EXO5: variants seen among roughly 807,000 people sequenced by gnomAD.
EXO5 encodes the protein exonuclease V.
In EXO5, 11 loss-of-function variants were observed where a neutral mutation model predicts 17.8. The observed-to-expected ratio is 0.62, with a 90% CI of 0.39 to 1.02. The LOEUF is 1.02. Ranked by LOEUF, EXO5 falls within the 50% of genes least tolerant of loss-of-function variation. The probability of loss-of-function intolerance (pLI) is 0.00; values close to 1 mark genes in which losing one functional copy is unlikely to be tolerated. For synonymous variants in EXO5, 147 were observed against 166.5 expected, an observed-to-expected ratio of 0.88 and a Z score of 0.90; for missense variants, 364 against 434.8, an observed-to-expected ratio of 0.84 and a Z score of 1.45.
chr1:40,515,440 C>T lies in EXO5; in HGVS notation c.896C>T (p.Thr299Ile). ...AAGATTGAGTATATCCACCAAGAGACTGCCACTGTGCTGGGTACTGAGATT... is the reference window on the plus strand; with the variant it reads ...AAGATTGAGTATATCCACCAAGAGATTGCCACTGTGCTGGGTACTGAGATT... ...ILKIEYIHQETATVLGTEIVA... is the reference protein window; with the variant it reads ...ILKIEYIHQEIATVLGTEIVA... The change falls in exon 4 of 4, where the codon ACT becomes ATT. Residue 299 changes from threonine to isoleucine, a missense_variant. Physicochemically the swap from Thr to Ile is moderately conservative, Grantham distance 89. Coordinates refer to ENST00000415550, the MANE Select transcript of EXO5 (RefSeq NM_001346953.2). The T allele has an allele frequency of 6.2e-7, 1 of 1,614,008 alleles. No homozygotes were observed. The highest frequency in any genetic ancestry group is 8.5e-7 in the Non-Finnish European group (1 of 1,180,008).
chr1:40,512,334 T>C (rs1645794650), intron 3 of EXO5, among the ~76,000 whole-genome samples: 1 of 152,228 alleles, frequency 6.6e-6, no homozygotes, highest in Non-Finnish European at 1.5e-5. Flanking sequence ...TTACTAATTT[T>C]GTCAGATGTG....
chr1:40,515,605 G>A lies in EXO5; in HGVS notation c.1061G>A (p.Trp354Ter). Reference protein sequence around the residue: ...RTCTYADICEWRKGSGVLSST... With the variant: ...RTCTYADICE ...TGTACCTATGCAGACATTTGTGAGTGGAGAAAGGGCAGTGGAGTGCTCAGC... is the reference window on the plus strand; with the variant it reads ...TGTACCTATGCAGACATTTGTGAGTAGAGAAAGGGCAGTGGAGTGCTCAGC... Residue 354 changes from tryptophan to a stop codon, truncating the protein, a stop_gained, in exon 4 of 4, where the codon TGG (tryptophan) becomes TAG (stop). Coordinates refer to ENST00000415550, the MANE Select transcript of EXO5 (RefSeq NM_001346953.2). LOFTEE classifies it high-confidence loss of function. 1.2e-6 allele frequency: 2 copies of A among 1,613,386 alleles called. No individual in the cohort carries two copies. The highest frequency in any genetic ancestry group is 1.7e-6 in the Non-Finnish European group (2 of 1,179,850).
intron 3 of EXO5, among the ~76,000 whole-genome samples, chr1:40,511,103 C>T (rs1397624077): frequency 1.3e-5 from 2 of 152,082 alleles, no homozygotes; most frequent in South Asian, 2.1e-4. Context: ...GGCGCGGTGG[C>T]GGGTGCCTGT....
Position 40,515,394 on chromosome 1 carries a change from C to A in EXO5, c.850C>A (p.Leu284Ile). 1 of 1,613,920 alleles carries A rather than the reference C, an allele frequency of 6.2e-7. No homozygotes were observed. Among genetic ancestry groups the A allele is most frequent in the Non-Finnish European group, 8.5e-7 (1 of 1,179,996 alleles). The change falls in exon 4 of 4, where the codon CTC (leucine) becomes ATC (isoleucine). Residue 284 changes from leucine to isoleucine, a missense_variant. Leu to Ile is a conservative substitution (Grantham distance 5). Coordinates refer to ENST00000415550, the MANE Select transcript of EXO5 (RefSeq NM_001346953.2). ...CTTCTTGTCTCTAACACTGTCAGACCTCCCAGTTATTGATATCTTGAAGAT... is the reference window on the plus strand; with the variant it reads ...CTTCTTGTCTCTAACACTGTCAGACATCCCAGTTATTGATATCTTGAAGAT... ...LVFLSLTLSD[L>I]PVIDILKIEY...
At position 40,515,560 on chromosome 1, in the gene EXO5, A is replaced by G. The variant is rs769743315; in HGVS notation, c.1016A>G (p.Glu339Gly). The G allele has an allele frequency of 6.2e-7, 1 of 1,612,252 alleles. No individual in the cohort carries two copies. The highest frequency in any genetic ancestry group is 1.3e-5 in the African/African-American group (1 of 74,342). ...GAGCCCCAGGGAGTTGACGTGGAGG[A>G]GGCTTGGAAGTGCCGGACGTGTACC... ...HREPQGVDVE[E>G]AWKCRTCTYA... Residue 339 changes from glutamate to glycine, a missense_variant, in exon 4 of 4, where the codon GAG becomes GGG. Physicochemically the swap from Glu to Gly is moderately conservative, Grantham distance 98. Transcript: ENST00000415550.
chr1:40,510,076 A>C (rs182834269), intron 3 of EXO5, among the ~76,000 whole-genome samples: 1 of 152,326 alleles, frequency 6.6e-6, no homozygotes, highest in East Asian at 1.9e-4. Context: ...TTTAGAATCC[A>C]TATCTGTAGG....
intron 3 of EXO5, among the ~76,000 whole-genome samples, chr1:40,514,195 G>A (rs183580908): frequency 1.3e-5 from 2 of 151,782 alleles, no homozygotes; most frequent in East Asian, 4.0e-4. Context: ...CAGGAGAATG[G>A]CATGAACCCG....
chr1:40,515,715 C>T lies in EXO5; in HGVS notation c.*49C>T. On this transcript the variant is annotated 3_prime_UTR_variant, in exon 4 of 4. Coordinates refer to ENST00000415550, the MANE Select transcript of EXO5 (RefSeq NM_001346953.2). ...GTTGATCCTTCCTGCTCCTGTTGTA[C>T]CTAAGCAAAAGAGGACCAGTCTCTG... The T allele has an allele frequency of 8.4e-6, 13 of 1,551,830 alleles. No homozygotes were observed. Among genetic ancestry groups the T allele is most frequent in the Non-Finnish European group, 1.0e-5 (12 of 1,150,032 alleles).
At chr1:40,514,405 G>T (rs1645838974) in intron 3 of EXO5, 110 bp from the exon 4 acceptor site, 2 of 894,710 alleles carry the variant, frequency 2.2e-6, no homozygotes, top group East Asian at 2.6e-5. Flanking sequence ...CTTTTTAAAA[G>T]AATGTAAATA....
chr1:40,512,071 G>T (rs188520974), intron 3 of EXO5, among the ~76,000 whole-genome samples: 179 of 152,186 alleles, frequency 1.2e-3, no homozygotes, highest in African/African-American at 4.2e-3. Context: ...GTAGAGACAG[G>T]TTTCACCGTG....
At position 40,515,534 on chromosome 1, in the gene EXO5, A is replaced by G; in HGVS notation, c.990A>G (p.Arg330=). 1 of 1,613,806 alleles carries G rather than the reference A, an allele frequency of 6.2e-7. No individual in the cohort carries two copies. The highest frequency in any genetic ancestry group is 8.5e-7 in the Non-Finnish European group (1 of 1,179,992). Residue 330 remains arginine (R), a synonymous_variant, in exon 4 of 4, where the codon CGA becomes CGG. Coordinates refer to ENST00000415550, the MANE Select transcript of EXO5 (RefSeq NM_001346953.2). ...QHYMAYWMGH[R]EPQGVDVEEA... is the part of the protein sequence containing the mutation. ...ATATGGCCTACTGGATGGGCCACCG[A>G]GAGCCCCAGGGAGTTGACGTGGAGG...
chr1:40,512,434 G>A (rs1645796586), intron 3 of EXO5, among the ~76,000 whole-genome samples: 1 of 152,154 alleles, frequency 6.6e-6, no homozygotes, highest in East Asian at 1.9e-4. Context: ...GAAACATTTA[G>A]ATTTTAAAGT....
intron 3 of EXO5, among the ~76,000 whole-genome samples, chr1:40,513,462 C>G (rs903734039): frequency 2.0e-5 from 3 of 152,054 alleles, no homozygotes; most frequent in Admixed American, 2.0e-4. Flanking sequence ...TAGAAAGTGG[C>G]CCATGGTAAA....
chr1:40,510,924 C>G (rs1645763979), intron 3 of EXO5, among the ~76,000 whole-genome samples: 1 of 152,204 alleles, frequency 6.6e-6, no homozygotes, highest in Admixed American at 6.6e-5. Flanking sequence ...ACAAATACCT[C>G]ATAGCATATG....
intron 3 of EXO5, among the ~76,000 whole-genome samples, chr1:40,510,463 A>G (rs1367953904): frequency 6.6e-6 from 1 of 152,212 alleles, no homozygotes; most frequent in Non-Finnish European, 1.5e-5. Context: ...GTACTGTTTT[A>G]TTCTTATAGA....
In EXO5 at chr1:40,515,269, C is replaced by T. The variant is rs1451272769; in HGVS notation, c.725C>T (p.Thr242Ile). ...ACCCCTGCTAGCCTAATCCACCACA[C>T]AAAGTTGTGTCTAGAAAAGCCACTG... ...KVTPASLIHH[T>I]KLCLEKPLGP... Residue 242 changes from threonine (T) to isoleucine (I), a missense_variant, in exon 4 of 4, where the codon ACA (threonine) becomes ATA (isoleucine). Transcript: ENST00000415550. The T allele has an allele frequency of 3.1e-6, 5 of 1,614,086 alleles. No homozygotes were observed. Among genetic ancestry groups the T allele is most frequent in the Non-Finnish European group, 4.2e-6 (5 of 1,180,012 alleles).
chr1:40,511,007 G>A (rs997404244), intron 3 of EXO5, among the ~76,000 whole-genome samples: 3 of 152,206 alleles, frequency 2.0e-5, no homozygotes, highest in Non-Finnish European at 2.9e-5. Context: ...AGGCCGAGGC[G>A]GGTGCATCAC....
intron 3 of EXO5, 182 bp from the exon 4 acceptor site, chr1:40,514,333 C>A: frequency 2.0e-6 from 1 of 503,194 alleles, no homozygotes. Flanking sequence ...ATAAGGAGCC[C>A]TATAGCAATA....
chr1:40,514,228 C>T (rs1168032343), intron 3 of EXO5, among the ~76,000 whole-genome samples: 2 of 150,498 alleles, frequency 1.3e-5, no homozygotes, highest in Non-Finnish European at 1.5e-5. Flanking sequence ...TGCAGTGAGC[C>T]GAGATCGCGC....
Sources: allele counts gnomAD v4.1 joint callset (sites outside exome capture counted in the v4.1 genomes callset), GRCh38; gene constraint gnomAD v4.1.1; transcripts MANE v1.5; gene names NCBI Gene and HGNC (gene_info 2026-07-23, HGNC 2026-07-21).